The following OXR1 variants were observed in gnomAD, a reference collection of about 807,000 sequenced individuals.
The protein encoded by OXR1 is oxidation resistance 1, also known as oxidation resistance protein 1.
A neutral mutation model predicts 104.6 loss-of-function variants in OXR1; 41 were observed. The observed-to-expected ratio is 0.39, with a 90% CI of 0.31 to 0.51. The LOEUF (loss-of-function observed/expected upper bound fraction) is 0.51. Ranked by LOEUF, OXR1 falls within the 20% of genes least tolerant of loss-of-function variation. The probability of loss-of-function intolerance (pLI) is 0.77; values close to 1 mark genes in which losing one functional copy is unlikely to be tolerated. For synonymous variants in OXR1, 348 were observed against 348.4 expected (o/e 1.00, Z 0.01); for missense variants, 955 against 1,031.9 (o/e 0.93, Z 1.02).
intron 1 of OXR1, among the ~76,000 whole-genome samples, chr8:106,273,623 T>C (rs145322125): frequency 9.2e-5 from 14 of 152,228 alleles, no homozygotes; most frequent in Non-Finnish European, 1.6e-4. Context: ...TGCTTAACAT[T>C]AAAAGCAACC....
intron 2 of OXR1, among the ~76,000 whole-genome samples, chr8:106,517,459 G>C (rs1265478781): frequency 6.6e-6 from 1 of 152,024 alleles, no homozygotes; most frequent in Non-Finnish European, 1.5e-5. Context: ...ATCCTGCTGA[G>C]ATTAACATCC....
At chr8:106,589,500 C>T (rs1450144252) in intron 3 of OXR1, among the ~76,000 whole-genome samples, 2 of 152,064 alleles carry the variant, frequency 1.3e-5, no homozygotes, top group Non-Finnish European at 2.9e-5. Context: ...CTTAGGGAGC[C>T]TTGTACAAAT....
chr8:106,533,578 C>T (rs978022650), intron 3 of OXR1, among the ~76,000 whole-genome samples: 6 of 152,162 alleles, frequency 3.9e-5, no homozygotes, highest in African/African-American at 1.2e-4. Context: ...CCACATCACA[C>T]GGCCTGAGAC....
intron 2 of OXR1, among the ~76,000 whole-genome samples, chr8:106,469,313 T>C (rs546707535): frequency 6.6e-6 from 1 of 151,822 alleles, no homozygotes; most frequent in Non-Finnish European, 1.5e-5. Flanking sequence ...TGAGAATGGT[T>C]ACATATCTTC....
In OXR1 at chr8:106,576,019, CACAA is replaced by C. The variant is rs1283797266; in HGVS notation, c.220+56882_220+56885del. ...ACACACACACACACACACACACACA[CACAA>C]AACCCTGAAATTATGTTTTTTAAAA... is the stretch of plus-strand genomic sequence containing the variant. On this transcript the variant is annotated intron_variant, in intron 3 of 16. Coordinates refer to ENST00000517566, the MANE Select transcript of OXR1 (RefSeq NM_001198533.2). Among the ~76,000 whole-genome samples the C allele has an allele frequency of 5.3e-5, 8 of 150,036 alleles. No individual in the cohort carries two copies. In the East Asian group the frequency reaches 1.4e-3, roughly 26 times the overall value.
chr8:106,543,861 G>A (rs1394623201), intron 3 of OXR1, among the ~76,000 whole-genome samples: 1 of 152,112 alleles, frequency 6.6e-6, no homozygotes, highest in Non-Finnish European at 1.5e-5. Context: ...TGTCACAAAT[G>A]GAGGAAAGGA....
chr8:106,679,282 T>C lies in OXR1; in HGVS notation c.293T>C (p.Ile98Thr). 7 of 1,564,592 alleles carry C rather than the reference T, an allele frequency of 4.5e-6. No individual in the cohort carries two copies. The highest frequency in any genetic ancestry group is 2.3e-5 in the East Asian group (1 of 44,202). The change falls in exon 4 of 17, where the codon ATT becomes ACT. Residue 98 changes from isoleucine to threonine, a missense_variant. By Grantham distance (89) the Ile-to-Thr change is moderately conservative. Transcript: ENST00000517566. ...TCTTTTCAGAAACCTAAAGGGACTA[T>C]TGAGTATACTGTAAGTTATTTGCTT... ...RMSFQKPKGTIEYTVESRDSL... is the reference protein window; with the variant it reads ...RMSFQKPKGTTEYTVESRDSL...
chr8:106,457,127 G>A (rs1366099236), intron 2 of OXR1, among the ~76,000 whole-genome samples: 1 of 152,150 alleles, frequency 6.6e-6, no homozygotes, highest in Non-Finnish European at 1.5e-5. Flanking sequence ...GCCAATCACT[G>A]TGCTAGGTAC....
chr8:106,348,797 A>T (rs2130299999), intron 1 of OXR1, among the ~76,000 whole-genome samples: 1 of 152,306 alleles, frequency 6.6e-6, no homozygotes, highest in East Asian at 1.9e-4. Context: ...GGCCTTCAGC[A>T]GAGAGTGGAA....
At chr8:106,498,882 G>GTTATAT (rs1200308697) in intron 2 of OXR1, among the ~76,000 whole-genome samples, 1 of 16,146 alleles carries the variant, frequency 6.2e-5, no homozygotes. Flanking sequence ...TTAGGAGATG[G>GTTATAT]CCGGGCGCGG....
chr8:106,341,587 G>A (rs1815250882), intron 1 of OXR1, among the ~76,000 whole-genome samples: 1 of 152,058 alleles, frequency 6.6e-6, no homozygotes, highest in Non-Finnish European at 1.5e-5. Flanking sequence ...TTAGTGTTCT[G>A]TCCTGTTCAC....
At chr8:106,298,288 C>T (rs1004502195) in intron 1 of OXR1, among the ~76,000 whole-genome samples, 1 of 152,176 alleles carries the variant, frequency 6.6e-6, no homozygotes, top group African/African-American at 2.4e-5. Flanking sequence ...GCCTCACAAT[C>T]ATGGCAGAAG....
intron 3 of OXR1, among the ~76,000 whole-genome samples, chr8:106,655,943 T>C (rs779517548): frequency 1.3e-5 from 2 of 152,190 alleles, no homozygotes; most frequent in Non-Finnish European, 2.9e-5. Context: ...CCTGCAAATG[T>C]TGGATGTAAA....
In OXR1 at chr8:106,649,456, A is replaced by G. The variant is rs1335053536; in HGVS notation, c.221-29754A>G. On this transcript the variant is annotated intron_variant, in intron 3 of 16. Transcript: ENST00000517566. Reference sequence around the variant, plus strand: ...TTCCCATATGCATGTACCCAGTTATATATTGTCCTTTTAATTTAAACATCT... The same window carrying G: ...TTCCCATATGCATGTACCCAGTTATGTATTGTCCTTTTAATTTAAACATCT... Among the ~76,000 whole-genome samples the G allele has an allele frequency of 2.0e-5, 3 of 151,942 alleles. No individual in the cohort carries two copies. In the East Asian group the frequency reaches 5.8e-4, roughly 29 times the overall value.
chr8:106,526,591 G>A (rs557321232), intron 3 of OXR1, among the ~76,000 whole-genome samples: 179 of 152,334 alleles, frequency 1.2e-3, no homozygotes, highest in African/African-American at 4.1e-3. Context: ...CGCCCAGGCT[G>A]GAGTGCAGTG....
chr8:106,376,634 T>C (rs1279089109), intron 2 of OXR1, among the ~76,000 whole-genome samples: 3 of 152,262 alleles, frequency 2.0e-5, no homozygotes, highest in Non-Finnish European at 4.4e-5. Context: ...GGACATTCTT[T>C]TGTGAAATGA....
At chr8:106,381,601 C>T (rs1263499000) in intron 2 of OXR1, among the ~76,000 whole-genome samples, 2 of 152,144 alleles carry the variant, frequency 1.3e-5, no homozygotes, top group African/African-American at 4.8e-5. Context: ...TCTAAACACA[C>T]AGGTTATACC....
chr8:106,612,014 G>A (rs912386417), intron 3 of OXR1, among the ~76,000 whole-genome samples: 1 of 151,764 alleles, frequency 6.6e-6, no homozygotes, highest in Admixed American at 6.6e-5. Context: ...ATGACTGAGA[G>A]AGCTTGAATT....
intron 2 of OXR1, among the ~76,000 whole-genome samples, chr8:106,405,679 AC>A (rs1334089893): frequency 6.6e-6 from 1 of 152,168 alleles, no homozygotes; most frequent in African/African-American, 2.4e-5. Context: ...AATTGAGTCA[AC>A]CCAGGTATCC....
Sources: gnomAD v4.1 joint callset for allele counts (sites outside exome capture counted in the v4.1 genomes callset) on GRCh38, gnomAD v4.1.1 for gene constraint, MANE v1.5 for transcripts, NCBI Gene and HGNC (gene_info 2026-07-23, HGNC 2026-07-21) for gene names.